Variants in EYA2 observed in about 807,000 individuals in gnomAD.
The protein encoded by EYA2 is protein phosphatase EYA2.
Under a neutral mutation model 69.2 loss-of-function variants are expected in EYA2, and 31 were observed. The ratio of observed to expected loss-of-function variants is 0.45; its 90% CI spans 0.34 to 0.60. The LOEUF (loss-of-function observed/expected upper bound fraction) is 0.60. Among genes scored for constraint, EYA2 ranks in the 20% least tolerant of loss-of-function variants. The probability of loss-of-function intolerance (pLI) is 0.02; values close to 1 mark genes in which losing one functional copy is unlikely to be tolerated. For synonymous variants in EYA2, 257 were observed against 279.4 expected (o/e 0.92, Z 0.80); for missense variants, 622 against 701.2 (o/e 0.89, Z 1.28).
intron 1 of EYA2, chr20:46,978,621 T>C (rs1177240365): frequency 3.7e-6 from 2 of 534,670 alleles, no homozygotes; most frequent in Admixed American, 3.9e-5. Flanking sequence ...CGTCAGAGGT[T>C]ATAAGCAAGG....
intron 1 of EYA2, among the ~76,000 whole-genome samples, chr20:46,970,130 G>A (rs1292540639): frequency 6.6e-6 from 1 of 152,232 alleles, no homozygotes; most frequent in African/African-American, 2.4e-5. Flanking sequence ...ACCGACTGCA[G>A]TTCTTGGTGA....
intron 9 of EYA2, among the ~76,000 whole-genome samples, chr20:47,113,664 G>T (rs188082321): frequency 6.6e-6 from 1 of 152,184 alleles, no homozygotes; most frequent in Non-Finnish European, 1.5e-5. Context: ...CACACACTTT[G>T]TATTCACCCA....
At chr20:47,172,894 G>C (rs141635304) in intron 12 of EYA2, 27 bp downstream of exon 12, 1 of 1,585,490 alleles carries the variant, frequency 6.3e-7, no homozygotes, top group Non-Finnish European at 8.6e-7. Flanking sequence ...TTGGGCCTCC[G>C]AGGAAGGGAA....
chr20:47,028,958 T>C lies in EYA2; in HGVS notation c.415+12661T>C, dbSNP rs735296. 1.9e-3 allele frequency among the ~76,000 whole-genome samples: 285 copies of C among 152,268 alleles called. 1 individual carries two copies. The highest frequency in any genetic ancestry group is 6.5e-3 in the African/African-American group (270 of 41,546). On this transcript the variant is annotated intron_variant, in intron 5 of 15. Transcript: ENST00000327619. ...ATTAAAAAAAAACAAATGCCAGAAA[T>C]CTTTTATAAGAAATTTCCCAATTAA...
rs1192753845 is a variant in EYA2 at position 47,018,549 on chromosome 20, A to AG, written c.415+2256dup. 3.9e-5 allele frequency among the ~76,000 whole-genome samples: 6 copies of AG among 152,322 alleles called. No individual in the cohort carries two copies. In the South Asian group the frequency reaches 8.3e-4, roughly 21 times the overall value. On this transcript the variant is annotated intron_variant, in intron 5 of 15. Transcript: ENST00000327619. ...GGTGATCGGCATTCAGCAGGTGGTC[A>AG]GGGGCCTCCCGATGGAAAGGAGGCT...
At chr20:47,021,626 CAAAA>C (rs11477310) in intron 5 of EYA2, among the ~76,000 whole-genome samples, 4 of 82,018 alleles carry the variant, frequency 4.9e-5, no homozygotes, top group East Asian at 3.1e-4. Context: ...GACTCCATCT[CAAAA>C]AAAAAAAAAA....
intron 10 of EYA2, among the ~76,000 whole-genome samples, chr20:47,148,058 C>CAAAAAAAAAAAAAAAAAAAAAAAAAA (rs1264883844): frequency 1.2e-5 from 1 of 82,836 alleles, no homozygotes; most frequent in African/African-American, 4.9e-5. Context: ...GACTCTGTCT[C>CAAAAAAAAAAAAAAAAAAAAAAAAAA]AAAAAAAAAA....
chr20:47,136,423 T>A (rs1344830733), intron 9 of EYA2, among the ~76,000 whole-genome samples: 1 of 152,152 alleles, frequency 6.6e-6, no homozygotes, highest in African/African-American at 2.4e-5. Context: ...ACGAGGCAGA[T>A]CTTTGGGCCG....
At chr20:47,119,204 G>A (rs569499102) in intron 9 of EYA2, among the ~76,000 whole-genome samples, 78 of 152,336 alleles carry the variant, frequency 5.1e-4, no homozygotes, top group African/African-American at 1.8e-3. Context: ...GATTGCTGGT[G>A]ATGAGGTGTC....
chr20:46,902,048 A>G (rs1984141781), intron 1 of EYA2, among the ~76,000 whole-genome samples: 1 of 152,190 alleles, frequency 6.6e-6, no homozygotes, highest in Non-Finnish European at 1.5e-5. Context: ...AAAATGTCTC[A>G]GCATTGCTCA....
intron 1 of EYA2, among the ~76,000 whole-genome samples, chr20:46,947,435 A>G (rs1978530080): frequency 6.6e-6 from 1 of 152,116 alleles, no homozygotes; most frequent in Admixed American, 6.5e-5. Flanking sequence ...CACACAAACC[A>G]CACAAAACAC....
intron 5 of EYA2, among the ~76,000 whole-genome samples, chr20:47,018,058 G>T (rs2146373573): frequency 6.6e-6 from 1 of 152,328 alleles, no homozygotes; most frequent in Non-Finnish European, 1.5e-5. Flanking sequence ...ATCTCTCCAA[G>T]TGGGGAGTGA....
intron 5 of EYA2, among the ~76,000 whole-genome samples, chr20:47,041,022 T>G (rs951733969): frequency 4.6e-5 from 7 of 152,024 alleles, no homozygotes; most frequent in Admixed American, 2.6e-4. Flanking sequence ...TCCCAGCAGG[T>G]AAGGAGCTTA....
intron 5 of EYA2, among the ~76,000 whole-genome samples, chr20:47,022,250 C>T (rs1037589184): frequency 3.3e-5 from 5 of 152,130 alleles, no homozygotes; most frequent in African/African-American, 1.2e-4. Context: ...CCTTTATGAA[C>T]GTTCTTTGAA....
At chr20:46,946,307 T>C (rs565002714) in intron 1 of EYA2, among the ~76,000 whole-genome samples, 1 of 152,372 alleles carries the variant, frequency 6.6e-6, no homozygotes, top group East Asian at 1.9e-4. Flanking sequence ...TTGCCATTTA[T>C]TGTTCTTGTT....
At chr20:47,016,692 A>G (rs1175892260) in intron 5 of EYA2, among the ~76,000 whole-genome samples, 1 of 152,212 alleles carries the variant, frequency 6.6e-6, no homozygotes, top group East Asian at 1.9e-4. Flanking sequence ...AGCCACATAG[A>G]CATCTTAGGG....
intron 1 of EYA2, among the ~76,000 whole-genome samples, chr20:46,960,476 G>C (rs1279054026): frequency 2.6e-5 from 4 of 152,148 alleles, no homozygotes; most frequent in Non-Finnish European, 5.9e-5. Flanking sequence ...CTATGGACTA[G>C]AAACCTTTGT....
chr20:47,180,980 TG>T (rs766616514), intron 14 of EYA2, 44 bp downstream of exon 14: 1 of 1,593,778 alleles, frequency 6.3e-7, no homozygotes, highest in African/African-American at 1.3e-5. Context: ...GGTTGGAGGG[TG>T]GGGTTAGCTT....
At chr20:47,130,815 C>T (rs901515843) in intron 9 of EYA2, among the ~76,000 whole-genome samples, 1 of 152,138 alleles carries the variant, frequency 6.6e-6, no homozygotes, top group Non-Finnish European at 1.5e-5. Flanking sequence ...AAAGCCCGGG[C>T]GAGGTGGCTC....
Sources: allele counts gnomAD v4.1 joint callset (sites outside exome capture counted in the v4.1 genomes callset), GRCh38; gene constraint gnomAD v4.1.1; transcripts MANE v1.5; gene names NCBI Gene and HGNC (gene_info 2026-07-23, HGNC 2026-07-21).